Variants in LDLRAD4 observed in about 807,000 individuals in gnomAD.
LDLRAD4 encodes the protein low-density lipoprotein receptor class A domain-containing protein 4.
LDLRAD4 carries 5 observed loss-of-function variants against 17.0 expected under a neutral mutation model. That is an observed-to-expected ratio of 0.29 (90% CI 0.15 to 0.62). The LOEUF (loss-of-function observed/expected upper bound fraction) is 0.62, where lower values mean the gene tolerates loss of function less well. LDLRAD4 is among the 20% of genes least tolerant of loss of function. The probability of loss-of-function intolerance (pLI) is 0.84; values close to 1 mark genes in which losing one functional copy is unlikely to be tolerated. For missense variants in LDLRAD4, 340 were observed against 424.7 expected, an observed-to-expected ratio of 0.80 and a Z score of 1.75; for synonymous variants, 168 against 171.8, an observed-to-expected ratio of 0.98 and a Z score of 0.17.
intron 2 of LDLRAD4, among the ~76,000 whole-genome samples, chr18:13,415,895 C>T (rs2088849102): frequency 6.6e-6 from 1 of 152,258 alleles, no homozygotes. Context: ...AGCTGTGTCT[C>T]AGTCCCAGGG....
At chr18:13,596,706 G>A (rs558714126) in intron 3 of LDLRAD4, among the ~76,000 whole-genome samples, 1 of 152,274 alleles carries the variant, frequency 6.6e-6, no homozygotes, top group Admixed American at 6.5e-5. Context: ...ATGAGAACAA[G>A]CATCTATTTA....
chr18:13,508,269 A>G (rs1313709649), intron 3 of LDLRAD4, among the ~76,000 whole-genome samples: 1 of 152,264 alleles, frequency 6.6e-6, no homozygotes, highest in African/African-American at 2.4e-5. Flanking sequence ...AAACATCTAC[A>G]TACCATCAAA....
intron 2 of LDLRAD4, among the ~76,000 whole-genome samples, chr18:13,401,690 A>T (rs1254189969): frequency 6.6e-6 from 1 of 152,194 alleles, no homozygotes; most frequent in Non-Finnish European, 1.5e-5. Flanking sequence ...TTTGTCCCCC[A>T]GATGCAGGCT....
chr18:13,603,891 G>A (rs967795117), intron 3 of LDLRAD4, among the ~76,000 whole-genome samples: 2 of 152,198 alleles, frequency 1.3e-5, no homozygotes, highest in South Asian at 4.1e-4. Context: ...CGTGGTGGCC[G>A]GCACATAGTA....
chr18:13,570,549 T>C (rs1266111588), intron 3 of LDLRAD4, among the ~76,000 whole-genome samples: 1 of 152,192 alleles, frequency 6.6e-6, no homozygotes, highest in Admixed American at 6.5e-5. Context: ...CTTAATGAGA[T>C]ACCTAATCAA....
At chr18:13,529,189 C>G (rs1004089696) in intron 3 of LDLRAD4, among the ~76,000 whole-genome samples, 1 of 152,242 alleles carries the variant, frequency 6.6e-6, no homozygotes, top group African/African-American at 2.4e-5. Flanking sequence ...CCAGCCACCC[C>G]CTCATTTGGC....
chr18:13,416,992 G>A (rs2088957385), intron 2 of LDLRAD4, among the ~76,000 whole-genome samples: 1 of 152,202 alleles, frequency 6.6e-6, no homozygotes, highest in South Asian at 2.1e-4. Flanking sequence ...CCACAGACAG[G>A]TTAAGTGGCT....
At chr18:13,503,234 T>C (rs2093640722) in intron 3 of LDLRAD4, among the ~76,000 whole-genome samples, 1 of 152,226 alleles carries the variant, frequency 6.6e-6, no homozygotes, top group South Asian at 2.1e-4. Context: ...AGGATGGCCC[T>C]AGGTACTAAC....
chr18:13,377,780 A>T (rs1032493963), intron 1 of LDLRAD4, among the ~76,000 whole-genome samples: 1 of 152,202 alleles, frequency 6.6e-6, no homozygotes, highest in African/African-American at 2.4e-5. Context: ...AGCCTACATT[A>T]AGTTGCATGG....
chr18:13,282,137 C>T (rs543238873), intron 1 of LDLRAD4, among the ~76,000 whole-genome samples: 1 of 152,304 alleles, frequency 6.6e-6, no homozygotes, highest in East Asian at 1.9e-4. Context: ...ATTCAACTAC[C>T]TTCCCCTGGG....
At chr18:13,302,599 C>T (rs1021123553) in intron 1 of LDLRAD4, among the ~76,000 whole-genome samples, 14 of 152,120 alleles carry the variant, frequency 9.2e-5, no homozygotes, top group African/African-American at 3.4e-4. Context: ...GATGAGTGTC[C>T]TGCATGAAAT....
intron 3 of LDLRAD4, among the ~76,000 whole-genome samples, chr18:13,584,710 G>A (rs1311825067): frequency 3.3e-5 from 5 of 152,310 alleles, no homozygotes; most frequent in Admixed American, 2.0e-4. Context: ...AGTTAAGAGT[G>A]TGCTGTGGGG....
At chr18:13,528,439 A>T (rs2094070313) in intron 3 of LDLRAD4, among the ~76,000 whole-genome samples, 1 of 152,108 alleles carries the variant, frequency 6.6e-6, no homozygotes, top group Non-Finnish European at 1.5e-5. Context: ...CAGCCTCCTG[A>T]GTAGCTGGGA....
chr18:13,343,099 A>G (rs920086124), intron 1 of LDLRAD4, among the ~76,000 whole-genome samples: 2 of 151,932 alleles, frequency 1.3e-5, no homozygotes, highest in Non-Finnish European at 2.9e-5. Flanking sequence ...CTTTTTTATT[A>G]TACTTTAAAT....
At chr18:13,496,700 A>G (rs2093477155) in intron 3 of LDLRAD4, among the ~76,000 whole-genome samples, 2 of 152,180 alleles carry the variant, frequency 1.3e-5, no homozygotes, top group Non-Finnish European at 2.9e-5. Flanking sequence ...AAAGTCCCCC[A>G]TACTCGAGGT....
At chr18:13,249,813 A>T (rs1216554143) in intron 1 of LDLRAD4, among the ~76,000 whole-genome samples, 2 of 151,880 alleles carry the variant, frequency 1.3e-5, no homozygotes, top group Admixed American at 6.6e-5. Flanking sequence ...TTACTTATAA[A>T]TTTTTTCCCT....
At chr18:13,432,243 A>G (rs2090393394) in intron 2 of LDLRAD4, among the ~76,000 whole-genome samples, 2 of 152,326 alleles carry the variant, frequency 1.3e-5, no homozygotes, top group African/African-American at 2.4e-5. Flanking sequence ...TCGACTTTTC[A>G]TTTCTGAAAA....
chr18:13,638,839 C>T (rs906700460), intron 4 of LDLRAD4, among the ~76,000 whole-genome samples: 1 of 152,212 alleles, frequency 6.6e-6, no homozygotes, highest in African/African-American at 2.4e-5. Context: ...TGTCTCCCAG[C>T]CCTTGGGGAC....
intron 1 of LDLRAD4, among the ~76,000 whole-genome samples, chr18:13,317,916 A>G (rs921858391): frequency 5.3e-5 from 8 of 152,348 alleles, no homozygotes; most frequent in African/African-American, 1.2e-4. Flanking sequence ...TATGACACCA[A>G]CTGTTTCTAC....
Sources: gnomAD v4.1 joint callset for allele counts (sites outside exome capture counted in the v4.1 genomes callset) on GRCh38, gnomAD v4.1.1 for gene constraint, MANE v1.5 for transcripts, NCBI Gene and HGNC (gene_info 2026-07-23, HGNC 2026-07-21) for gene names.